The following RORA variants were observed in gnomAD, a reference collection of about 807,000 sequenced individuals.
The protein encoded by RORA is RAR related orphan receptor A.
Under a neutral mutation model 69.5 loss-of-function variants are expected in RORA, and 7 were observed. That is an observed-to-expected ratio of 0.10 (90% CI 0.06 to 0.19). RORA has a LOEUF of 0.19. Among genes scored for constraint, RORA ranks in the 10% least tolerant of loss-of-function variants. The pLI is 1.00. For missense variants in RORA, 457 were observed against 663.0 expected, an observed-to-expected ratio of 0.69 and a Z score of 3.41; for synonymous variants, 261 against 240.8, an observed-to-expected ratio of 1.08 and a Z score of -0.78.
chr15:61,010,816 T>C (rs976386468), intron 1 of RORA, among the ~76,000 whole-genome samples: 4 of 152,120 alleles, frequency 2.6e-5, no homozygotes, highest in Non-Finnish European at 5.9e-5. Context: ...TGAGGACTGT[T>C]GGCTGGGAGT....
intron 2 of RORA, among the ~76,000 whole-genome samples, chr15:60,615,702 G>A (rs762878494): frequency 6.6e-6 from 1 of 152,156 alleles, no homozygotes; most frequent in Non-Finnish European, 1.5e-5. Flanking sequence ...ACCTTTGTGC[G>A]CTGCTGAAAC....
chr15:60,649,065 G>A (rs531600648), intron 2 of RORA, among the ~76,000 whole-genome samples: 1 of 152,234 alleles, frequency 6.6e-6, no homozygotes, highest in East Asian at 1.9e-4. Context: ...CCAAGTTCAA[G>A]TTGCCGTGAC....
chr15:61,065,581 C>A (rs2078246269), intron 1 of RORA, among the ~76,000 whole-genome samples: 2 of 152,154 alleles, frequency 1.3e-5, no homozygotes, highest in Non-Finnish European at 2.9e-5. Context: ...TAAATAGATT[C>A]AGATGACAAT....
chr15:61,142,995 A>T (rs1474234992), intron 1 of RORA, among the ~76,000 whole-genome samples: 1 of 152,192 alleles, frequency 6.6e-6, no homozygotes, highest in Non-Finnish European at 1.5e-5. Context: ...CTTTCTAATT[A>T]GTACTAGTGC....
intron 1 of RORA, among the ~76,000 whole-genome samples, chr15:60,805,375 A>G (rs2072646079): frequency 2.0e-5 from 3 of 152,228 alleles, no homozygotes; most frequent in Admixed American, 2.0e-4. Flanking sequence ...GCCACAAACA[A>G]TTAAAACCCA....
At chr15:60,689,213 C>T (rs1257519057) in intron 1 of RORA, among the ~76,000 whole-genome samples, 1 of 152,064 alleles carries the variant, frequency 6.6e-6, no homozygotes, top group Non-Finnish European at 1.5e-5. Flanking sequence ...ATAGGCAGTG[C>T]AAAGCTGAAA....
At chr15:61,206,808 G>A (rs1399002089) in intron 1 of RORA, among the ~76,000 whole-genome samples, 1 of 152,132 alleles carries the variant, frequency 6.6e-6, no homozygotes, top group African/African-American at 2.4e-5. Context: ...AGGGTCTGAT[G>A]TTTACTAAAC....
chr15:60,544,796 A>G (rs1266578402), intron 2 of RORA: 2 of 152,162 alleles, frequency 1.3e-5, no homozygotes, highest in African/African-American at 4.8e-5. Context: ...ATTGTAATTC[A>G]CTTTTCAGAA....
intron 1 of RORA, among the ~76,000 whole-genome samples, chr15:60,776,225 C>G (rs2072165073): frequency 6.6e-6 from 1 of 152,114 alleles, no homozygotes; most frequent in Non-Finnish European, 1.5e-5. Flanking sequence ...CTCCCTTTCT[C>G]TCCCCGCCAC....
chr15:60,986,954 A>G (rs954380840), intron 1 of RORA, among the ~76,000 whole-genome samples: 1 of 152,048 alleles, frequency 6.6e-6, no homozygotes, highest in Admixed American at 6.6e-5. Flanking sequence ...GTTTTTTCAT[A>G]TGTTTGTTTG....
intron 5 of RORA, among the ~76,000 whole-genome samples, chr15:60,507,397 A>G (rs1267431370): frequency 6.6e-6 from 1 of 152,228 alleles, no homozygotes; most frequent in Non-Finnish European, 1.5e-5. Flanking sequence ...AGGTTCACCT[A>G]AATGGAGCTG....
intron 1 of RORA, among the ~76,000 whole-genome samples, chr15:60,913,808 CAAAAAATATTT>C (rs753057626): frequency 8.5e-5 from 13 of 152,148 alleles, no homozygotes; most frequent in Non-Finnish European, 1.8e-4. Context: ...GGGGTCTCAA[CAAAAAATATTT>C]ATGCCCTTAT....
At chr15:60,840,248 T>G (rs2073178136) in intron 1 of RORA, among the ~76,000 whole-genome samples, 1 of 152,228 alleles carries the variant, frequency 6.6e-6, no homozygotes, top group African/African-American at 2.4e-5. Context: ...GGAGGGCTCA[T>G]CAGAGGGAAA....
chr15:60,551,630 G>T (rs895210728), intron 2 of RORA, among the ~76,000 whole-genome samples: 28 of 152,156 alleles, frequency 1.8e-4, no homozygotes, highest in African/African-American at 6.5e-4. Context: ...AACTCCTCTG[G>T]AAAGAGATGC....
rs377504950 is a variant in RORA at position 61,061,354 on chromosome 15, A to T, written c.166+167699T>A. ...GAGACAGAGCGAGGCTCTATCTTAA[A>T]AAATAAATAAATAAATAAATAAATA... On this transcript the variant is annotated intron_variant, in intron 1 of 10. Transcript: ENST00000335670. The surrounding 1 kb of genome is among the most constrained non-coding windows in gnomAD (Gnocchi z 4.4). Among the ~76,000 whole-genome samples the T allele has an allele frequency of 8.0e-5, 11 of 137,160 alleles. No homozygotes were observed. The highest frequency in any genetic ancestry group is 7.6e-3 in the Middle Eastern group (2 of 264). The allele number at this position is 137,160 out of a possible 152,430, so 90.0% of individuals were successfully genotyped here.
At chr15:60,967,603 T>G (rs1566927981) in intron 1 of RORA, among the ~76,000 whole-genome samples, 1 of 152,250 alleles carries the variant, frequency 6.6e-6, no homozygotes, top group Non-Finnish European at 1.5e-5. Flanking sequence ...ACCATGCAAG[T>G]GCCATAGGAA....
intron 1 of RORA, among the ~76,000 whole-genome samples, chr15:61,170,827 C>T (rs537767802): frequency 1.3e-5 from 2 of 152,242 alleles, no homozygotes; most frequent in African/African-American, 4.8e-5. Flanking sequence ...CAAATGGAAG[C>T]GTAATTGGGG....
chr15:60,817,693 G>T (rs1039078470), intron 1 of RORA, among the ~76,000 whole-genome samples: 3 of 152,178 alleles, frequency 2.0e-5, no homozygotes, highest in African/African-American at 7.2e-5. Flanking sequence ...CCAGGTACAC[G>T]TTACTGCCTT....
intron 1 of RORA, among the ~76,000 whole-genome samples, chr15:61,130,617 C>G (rs7183068): frequency 1.3e-5 from 2 of 151,914 alleles, no homozygotes; most frequent in African/African-American, 4.8e-5. Flanking sequence ...TAATTTCCTC[C>G]TCCATAAAAT....
Sources: gnomAD v4.1 joint callset for allele counts (sites outside exome capture counted in the v4.1 genomes callset) on GRCh38, gnomAD v4.1.1 for gene constraint, Gnocchi (gnomAD v3.1) non-coding constraint, MANE v1.5 for transcripts, NCBI Gene and HGNC (gene_info 2026-07-23, HGNC 2026-07-21) for gene names.